Variants in TENM3 observed in about 807,000 individuals in gnomAD.
TENM3 encodes teneurin-3.
In TENM3, 63 loss-of-function variants were observed where a neutral mutation model predicts 255.1. That is an observed-to-expected ratio of 0.25 (90% CI 0.20 to 0.30). The LOEUF (loss-of-function observed/expected upper bound fraction) is 0.30. Among genes scored for constraint, TENM3 ranks in the 10% least tolerant of loss-of-function variants. The pLI, the probability that TENM3 is intolerant of heterozygous loss-of-function variation, is 1.00. For synonymous variants in TENM3, 1,306 were observed against 1,322.3 expected (o/e 0.99, Z 0.27); for missense variants, 2,929 against 3,461.1 (o/e 0.85, Z 3.86).
At chr4:182,736,263 T>C (rs1025700777) in intron 16 of TENM3, among the ~76,000 whole-genome samples, 1 of 152,236 alleles carries the variant, frequency 6.6e-6, no homozygotes, top group Non-Finnish European at 1.5e-5. Flanking sequence ...AGCCAGCTGA[T>C]GAGGCTATAG....
intron 1 of TENM3, among the ~76,000 whole-genome samples, chr4:182,252,474 A>G (rs1283210427): frequency 1.3e-5 from 2 of 152,226 alleles, no homozygotes; most frequent in African/African-American, 4.8e-5. Context: ...CATGAATATT[A>G]AAATAAAGAA....
intron 3 of TENM3, among the ~76,000 whole-genome samples, chr4:182,373,775 T>C (rs1767000568): frequency 6.6e-6 from 1 of 152,164 alleles, no homozygotes; most frequent in African/African-American, 2.4e-5. Context: ...CCTAGAGTCA[T>C]TTTTGGGAGC....
chr4:182,453,026 GTA>G (rs10531343), intron 3 of TENM3, among the ~76,000 whole-genome samples: 121,620 of 150,354 alleles, frequency 0.81, 49,526 homozygotes, highest in East Asian at 0.99. Flanking sequence ...TTTTATATGT[GTA>G]TATATATATA....
chr4:182,418,792 G>A (rs1397845075), intron 3 of TENM3, among the ~76,000 whole-genome samples: 1 of 151,998 alleles, frequency 6.6e-6, no homozygotes, highest in Non-Finnish European at 1.5e-5. Flanking sequence ...TGAACCCCTG[G>A]GCTCAAGCAA....
intron 7 of TENM3, among the ~76,000 whole-genome samples, chr4:182,677,832 A>G (rs1387382559): frequency 6.6e-6 from 1 of 152,154 alleles, no homozygotes; most frequent in Non-Finnish European, 1.5e-5. Context: ...GTTCTCTCCA[A>G]TATTAACAGT....
In TENM3 at chr4:182,802,029, GTAAATA is replaced by G. The variant is rs373173798; in HGVS notation, c.*1683_*1688del. 28 of 152,738 alleles carry G rather than the reference GTAAATA, an allele frequency of 1.8e-4. No individual in the cohort carries two copies. Among genetic ancestry groups the G allele is most frequent in the African/African-American group, 6.7e-4 (28 of 41,574 alleles). The allele number at this position is 152,738 out of a possible 1,614,324, so 9.5% of individuals were successfully genotyped here. On this transcript the variant is annotated 3_prime_UTR_variant, in exon 28 of 28. Transcript: ENST00000511685. ...ATAAAATATAGCAAGTGAACATGTC[GTAAATA>G]TAAAGGTTCAAGTGATGTATTGAAA...
At chr4:181,889,685 C>T in the TENM3 span, among the ~76,000 whole-genome samples, 3 of 152,138 alleles carry the variant, frequency 2.0e-5, no homozygotes, top group Non-Finnish European at 2.9e-5. Context: ...AGCAAAGATA[C>T]AGAAAACTAT....
chr4:181,528,101 A>G, the TENM3 span, among the ~76,000 whole-genome samples: 1 of 152,144 alleles, frequency 6.6e-6, no homozygotes, highest in African/African-American at 2.4e-5. Context: ...AAAAACAGAA[A>G]TGAAATTATT....
chr4:181,786,686 T>C, the TENM3 span, among the ~76,000 whole-genome samples: 1 of 143,366 alleles, frequency 7.0e-6, no homozygotes, highest in Non-Finnish European at 1.5e-5. Context: ...GGAGAGTGTT[T>C]AAGACAATCA....
At chr4:182,246,653 G>A (rs73003204) in intron 1 of TENM3, among the ~76,000 whole-genome samples, 1,797 of 152,266 alleles carry the variant, frequency 0.012, 42 homozygotes, top group African/African-American at 0.041. Flanking sequence ...AAACAAATGG[G>A]CTATGTCTGC....
At chr4:181,714,199 G>GCCTGCTTTGGCCTC in the TENM3 span, among the ~76,000 whole-genome samples, 1 of 152,172 alleles carries the variant, frequency 6.6e-6, no homozygotes, top group African/African-American at 2.4e-5. Context: ...ACCTTGGGAG[G>GCCTGCTTTGGCCTC]CCAAAGCAGG....
chr4:182,014,129 C>CAT, the TENM3 span, among the ~76,000 whole-genome samples: 1 of 136,110 alleles, frequency 7.3e-6, no homozygotes, highest in African/African-American at 2.8e-5. Context: ...CGTATATATA[C>CAT]ATATACACAC....
the TENM3 span, among the ~76,000 whole-genome samples, chr4:182,137,334 C>A: frequency 1.0e-4 from 1 of 9,772 alleles, no homozygotes; most frequent in Non-Finnish European, 3.7e-4. Context: ...TCTGCCACCT[C>A]CCCCCCCCCA....
intron 1 of TENM3, among the ~76,000 whole-genome samples, chr4:182,146,609 A>G (rs550360061): frequency 1.3e-5 from 2 of 152,252 alleles, no homozygotes; most frequent in South Asian, 4.1e-4. Flanking sequence ...ATCTTATGTT[A>G]AATAACTTAG....
chr4:182,319,208 C>T (rs1437088963), intron 1 of TENM3, among the ~76,000 whole-genome samples: 1 of 152,254 alleles, frequency 6.6e-6, no homozygotes, highest in Non-Finnish European at 1.5e-5. Flanking sequence ...AATATGCACA[C>T]AGTGACCCTC....
At chr4:181,642,160 C>T in the TENM3 span, among the ~76,000 whole-genome samples, 4 of 151,980 alleles carry the variant, frequency 2.6e-5, no homozygotes, top group Non-Finnish European at 5.9e-5. Flanking sequence ...TAATGATTGC[C>T]ATTCTAACAG....
At chr4:181,542,874 A>G in the TENM3 span, among the ~76,000 whole-genome samples, 1 of 152,170 alleles carries the variant, frequency 6.6e-6, no homozygotes, top group Non-Finnish European at 1.5e-5. Flanking sequence ...ATCCAAAAAA[A>G]CCAAAGTCCT....
the TENM3 span, among the ~76,000 whole-genome samples, chr4:181,619,518 T>TGCAA: frequency 6.6e-6 from 1 of 152,126 alleles, no homozygotes; most frequent in Non-Finnish European, 1.5e-5. Flanking sequence ...AACTCATGGG[T>TGCAA]GCAAGCAATT....
chr4:182,767,440 T>A (rs1391284478), intron 22 of TENM3, among the ~76,000 whole-genome samples: 1 of 152,178 alleles, frequency 6.6e-6, no homozygotes, highest in Non-Finnish European at 1.5e-5. Flanking sequence ...GTGGGAAAAG[T>A]CTTGCGGTAA....
Sources: allele counts gnomAD v4.1 joint callset (sites outside exome capture counted in the v4.1 genomes callset), GRCh38; gene constraint gnomAD v4.1.1; transcripts MANE v1.5; gene names NCBI Gene and HGNC (gene_info 2026-07-23, HGNC 2026-07-21).